The following EIPR1 variants were observed in gnomAD, a reference collection of about 807,000 sequenced individuals.
EIPR1 encodes the protein EARP and GARP complex-interacting protein 1.
EIPR1 carries 25 observed loss-of-function variants against 48.1 expected under a neutral mutation model. The observed-to-expected ratio is 0.52, with a 90% confidence interval of 0.38 to 0.73. The LOEUF is 0.73. EIPR1 is among the 30% of genes least tolerant of loss of function. EIPR1 has a pLI of 0.00. For synonymous variants in EIPR1, 204 were observed against 201.9 expected (o/e 1.01, Z -0.09); for missense variants, 415 against 506.2 (o/e 0.82, Z 1.73).
chr2:3,198,265 G>C (rs1664878865), intron 5 of EIPR1, among the ~76,000 whole-genome samples: 1 of 152,204 alleles, frequency 6.6e-6, no homozygotes, highest in African/African-American at 2.4e-5. Flanking sequence ...TTCAGAGGTG[G>C]CCACTGGGAG....
chr2:3,352,487 G>A (rs368556979), intron 2 of EIPR1, among the ~76,000 whole-genome samples: 3 of 151,630 alleles, frequency 2.0e-5, no homozygotes, highest in East Asian at 3.9e-4. Flanking sequence ...TGCTACAGAA[G>A]CTACCTGCCC....
At chr2:3,202,099 G>A (rs561819494) in intron 5 of EIPR1, among the ~76,000 whole-genome samples, 5 of 152,090 alleles carry the variant, frequency 3.3e-5, no homozygotes, top group African/African-American at 7.2e-5. Context: ...CACCACGCCC[G>A]GCTAATTTTT....
intron 4 of EIPR1, among the ~76,000 whole-genome samples, chr2:3,237,627 G>C (rs566236668): frequency 2.6e-5 from 4 of 152,148 alleles, no homozygotes; most frequent in Non-Finnish European, 5.9e-5. Context: ...CACATGGAAC[G>C]CGCTAAGAGG....
At chr2:3,297,950 G>A (rs1476517941) in intron 3 of EIPR1, among the ~76,000 whole-genome samples, 1 of 152,090 alleles carries the variant, frequency 6.6e-6, no homozygotes, top group Admixed American at 6.6e-5. Flanking sequence ...AGGAGATTTA[G>A]GAGAAACCCT....
chr2:3,226,755 TGGA>T (rs1172878568), intron 4 of EIPR1, among the ~76,000 whole-genome samples: 5 of 152,206 alleles, frequency 3.3e-5, no homozygotes, highest in African/African-American at 9.7e-5. Flanking sequence ...TTCCCAGTGT[TGGA>T]GGAGGGGCCT....
At chr2:3,259,631 C>T (rs116797694) in intron 3 of EIPR1, among the ~76,000 whole-genome samples, 9 of 152,350 alleles carry the variant, frequency 5.9e-5, no homozygotes, top group African/African-American at 2.2e-4. Context: ...AGAGAATCTA[C>T]ACTCACTTCA....
At chr2:3,203,752 G>A (rs1311128255) in intron 5 of EIPR1, among the ~76,000 whole-genome samples, 2 of 152,222 alleles carry the variant, frequency 1.3e-5, no homozygotes, top group East Asian at 1.9e-4. Flanking sequence ...CGGATTAGAT[G>A]AGAAGAGATC....
chr2:3,195,921 G>A (rs1664786665), intron 6 of EIPR1, among the ~76,000 whole-genome samples: 1 of 152,168 alleles, frequency 6.6e-6, no homozygotes, highest in Admixed American at 6.5e-5. Context: ...TTGCTTATTT[G>A]TTTGGTCTGT....
chr2:3,277,238 G>C (rs922084370), intron 3 of EIPR1, among the ~76,000 whole-genome samples: 3 of 148,482 alleles, frequency 2.0e-5, no homozygotes, highest in Non-Finnish European at 4.5e-5. Context: ...CTCCACCCAC[G>C]CGGCCCCACA....
chr2:3,193,867 A>T, intron 7 of EIPR1, 132 bp downstream of exon 7: 1 of 965,002 alleles, frequency 1.0e-6, no homozygotes, highest in Non-Finnish European at 1.5e-6. Context: ...TTTAGGAAAA[A>T]TAAAACTGGG....
At chr2:3,264,020 C>T (rs1460818495) in intron 3 of EIPR1, among the ~76,000 whole-genome samples, 2 of 152,166 alleles carry the variant, frequency 1.3e-5, no homozygotes, top group African/African-American at 2.4e-5. Context: ...TGATACATTG[C>T]TAATAACTTC....
At chr2:3,247,003 A>AG (rs374891827) in intron 4 of EIPR1, among the ~76,000 whole-genome samples, 949 of 5,348 alleles carry the variant, frequency 0.18, 134 homozygotes, top group African/African-American at 0.43. Flanking sequence ...AGAGCGAGGG[A>AG]GGAGAGAGCG....
At chr2:3,259,566 A>C (rs1667264614) in intron 3 of EIPR1, among the ~76,000 whole-genome samples, 2 of 152,252 alleles carry the variant, frequency 1.3e-5, no homozygotes, top group African/African-American at 4.8e-5. Flanking sequence ...CCCACAGTCC[A>C]TCAACTTCAC....
intron 5 of EIPR1, among the ~76,000 whole-genome samples, chr2:3,199,857 A>ACGCATGGG (rs1664960835): frequency 8.0e-6 from 1 of 125,660 alleles, no homozygotes; most frequent in Non-Finnish European, 1.6e-5. Flanking sequence ...GCATCTGGGC[A>ACGCATGGG]GAGGTGACAT....
intron 5 of EIPR1, chr2:3,208,992 A>G (rs1665342400): frequency 6.9e-7 from 1 of 1,459,492 alleles, no homozygotes; most frequent in Admixed American, 2.7e-5. Flanking sequence ...CATATTATCA[A>G]GGTCGCCAGA....
chr2:3,341,989 G>A (rs1379395946), intron 2 of EIPR1, among the ~76,000 whole-genome samples: 1 of 152,042 alleles, frequency 6.6e-6, no homozygotes, highest in Non-Finnish European at 1.5e-5. Flanking sequence ...TTTTCTAAGT[G>A]ATGGCAACCA....
intron 2 of EIPR1, among the ~76,000 whole-genome samples, chr2:3,344,634 CTTTTTTT>C (rs1178498027): frequency 1.3e-5 from 1 of 74,192 alleles, no homozygotes; most frequent in Non-Finnish European, 2.5e-5. Flanking sequence ...GGTTCTGGTT[CTTTTTTT>C]TTTTTTTTTT....
chr2:3,208,467 C>A (rs2103125479), intron 5 of EIPR1: 1 of 1,503,400 alleles, frequency 6.7e-7, no homozygotes, highest in Non-Finnish European at 8.9e-7. Context: ...TTCCTCTTCT[C>A]ATCTGTCAGT....
chr2:3,210,444 A>G (rs1665406187), intron 5 of EIPR1, among the ~76,000 whole-genome samples: 1 of 152,130 alleles, frequency 6.6e-6, no homozygotes. Flanking sequence ...CACAGAGGAC[A>G]ATGGACAGAC....
Sources: gnomAD v4.1 joint callset for allele counts (sites outside exome capture counted in the v4.1 genomes callset) on GRCh38, gnomAD v4.1.1 for gene constraint, MANE v1.5 for transcripts, NCBI Gene and HGNC (gene_info 2026-07-23, HGNC 2026-07-21) for gene names.